SMC1B: variants seen among roughly 807,000 people sequenced by gnomAD.
The protein encoded by SMC1B is structural maintenance of chromosomes protein 1B.
In SMC1B, 60 loss-of-function variants were observed where a neutral mutation model predicts 157.9. The ratio of observed to expected loss-of-function variants is 0.38; its 90% CI spans 0.31 to 0.47. The LOEUF (loss-of-function observed/expected upper bound fraction) is 0.47. Ranked by LOEUF, SMC1B falls within the 20% of genes least tolerant of loss-of-function variation. SMC1B has a pLI of 0.99. For synonymous variants in SMC1B, 445 were observed against 483.0 expected, an observed-to-expected ratio of 0.92 and a Z score of 1.03; for missense variants, 1,165 against 1,426.2, an observed-to-expected ratio of 0.82 and a Z score of 2.95.
intron 12 of SMC1B, among the ~76,000 whole-genome samples, chr22:45,383,195 A>G (rs2086954465): frequency 1.3e-5 from 2 of 152,112 alleles, no homozygotes; most frequent in Non-Finnish European, 2.9e-5. Context: ...GCAACAGTCT[A>G]TCATAAAACA....
Position 45,399,262 on chromosome 22 carries a change from T to G in SMC1B, c.946A>C (p.Lys316Gln), listed in dbSNP as rs1018455247. ...SHHLKKLDVA[K>Q]KSIKDSEKQC... is the part of the protein sequence containing the mutation. ...TTTTCGCTGTCCTTTATTGATTTCT[T>G]AGCCACATCTAATTTCTTAAGGTGG... The change falls in exon 6 of 25, where the codon AAG becomes CAG. Residue 316 changes from lysine to glutamine, a missense_variant. By Grantham distance (53) the Lys-to-Gln change is moderately conservative. Coordinates refer to ENST00000357450, the MANE Select transcript of SMC1B (RefSeq NM_148674.5). The G allele has an allele frequency of 1.9e-6, 3 of 1,614,000 alleles. No homozygotes were observed. The African/African-American group carries it at 4.0e-5, about 22-fold the overall frequency.
At chr22:45,369,631 C>T (rs967475174) in intron 15 of SMC1B, among the ~76,000 whole-genome samples, 1 of 150,230 alleles carries the variant, frequency 6.7e-6, no homozygotes, top group Non-Finnish European at 1.5e-5. Flanking sequence ...CAAGCTCCGC[C>T]TCCTGGGTTC....
At chr22:45,360,079 AGT>A in intron 17 of SMC1B, 121 bp from the exon 18 acceptor site, 1 of 715,692 alleles carries the variant, frequency 1.4e-6, no homozygotes, top group African/African-American at 1.8e-5. Flanking sequence ...GAGTGCTGTA[AGT>A]TCTAGAATCC....
rs1602076079 is a variant in SMC1B, at chr22:45,383,684, T to C, written c.1912-71A>G. ...TACAAATAAAGACACAATGTGTCAATTTTTAAAGCTAAGAATAAAACATAT... is the reference window on the plus strand; with the variant it reads ...TACAAATAAAGACACAATGTGTCAACTTTTAAAGCTAAGAATAAAACATAT... On this transcript the variant is annotated intron_variant, in intron 11 of 24. Transcript: ENST00000357450. 6.1e-6 allele frequency: 8 copies of C among 1,306,994 alleles called. No homozygotes were observed. The East Asian group carries it at 1.8e-4, about 29-fold the overall frequency. 81.0% of individuals were successfully genotyped at this position (1,306,994 alleles called of 1,614,324 possible).
chr22:45,410,661 C>T (rs2146860556), intron 1 of SMC1B, among the ~76,000 whole-genome samples: 1 of 152,304 alleles, frequency 6.6e-6, no homozygotes, highest in African/African-American at 2.4e-5. Flanking sequence ...TGATATTACA[C>T]CACTGTACTC....
rs775045771 is a variant in SMC1B at position 45,383,493 on chromosome 22, G to A, written c.2032C>T (p.Arg678Ter). 7.5e-6 allele frequency: 12 copies of A among 1,601,202 alleles called. No individual in the cohort carries two copies. The highest frequency in any genetic ancestry group is 1.7e-4 in the Middle Eastern group (1 of 6,030). ...EKELKNLRDR[R>*]SQKIQELKGL... ...TTTAGCTCTTGGATTTTCTGGCTTC[G>A]TCTGTCTCTTAGATTCTTTAACTCT... The change falls in exon 12 of 25, where the codon CGA (arginine) becomes TGA (stop). Residue 678 changes from arginine (R) to a stop codon, truncating the protein, a stop_gained. Coordinates refer to ENST00000357450, the MANE Select transcript of SMC1B (RefSeq NM_148674.5). LOFTEE classifies it high-confidence loss of function.
At chr22:45,350,768 G>A (rs878880939) in intron 22 of SMC1B, among the ~76,000 whole-genome samples, 1 of 152,120 alleles carries the variant, frequency 6.6e-6, no homozygotes, top group Admixed American at 6.5e-5. Context: ...AAAACCCACA[G>A]AGCCATCCCC....
rs560734134 is a variant in SMC1B at position 45,408,556 on chromosome 22, G to A, written c.298+154C>T. Among the ~76,000 whole-genome samples, 8 of 152,216 alleles carry A rather than the reference G, an allele frequency of 5.3e-5. No individual in the cohort carries two copies. The East Asian group carries it at 1.5e-3, about 29-fold the overall frequency. ...ATATGTGGCGAATCAAACAGGTTCTGTTACTTGCTTCTGAGATATGCTATG... is the reference window on the plus strand; with the variant it reads ...ATATGTGGCGAATCAAACAGGTTCTATTACTTGCTTCTGAGATATGCTATG... On this transcript the variant is annotated intron_variant, in intron 2 of 24. Coordinates refer to ENST00000357450, the MANE Select transcript of SMC1B (RefSeq NM_148674.5).
intron 12 of SMC1B, among the ~76,000 whole-genome samples, chr22:45,377,987 T>C (rs1214857493): frequency 6.6e-6 from 1 of 152,070 alleles, no homozygotes; most frequent in Non-Finnish European, 1.5e-5. Context: ...TACAGGTGCA[T>C]GCCACCACTC....
At chr22:45,404,448 T>G (rs1004572965) in intron 4 of SMC1B, among the ~76,000 whole-genome samples, 1 of 152,192 alleles carries the variant, frequency 6.6e-6, no homozygotes, top group Non-Finnish European at 1.5e-5. Context: ...TTTCCAAACC[T>G]TTTTTCCTGA....
chr22:45,379,723 CTTTTT>C (rs136583), intron 12 of SMC1B, among the ~76,000 whole-genome samples: 2,183 of 91,468 alleles, frequency 0.024, 54 homozygotes, highest in African/African-American at 0.089. Context: ...TTTCTTTTTA[CTTTTT>C]TTTTTTTTTT....
intron 12 of SMC1B, among the ~76,000 whole-genome samples, chr22:45,380,620 T>G (rs2086927098): frequency 6.6e-6 from 1 of 152,054 alleles, no homozygotes; most frequent in South Asian, 2.1e-4. Context: ...ATTTTACAGT[T>G]AAGAAATATG....
At chr22:45,386,371 C>T (rs896744667) in intron 11 of SMC1B, among the ~76,000 whole-genome samples, 1 of 150,612 alleles carries the variant, frequency 6.6e-6, no homozygotes, top group African/African-American at 2.5e-5. Flanking sequence ...AAAATTATTC[C>T]CTCAAGATAC....
chr22:45,364,756 A>G (rs973663259), intron 15 of SMC1B, among the ~76,000 whole-genome samples: 4 of 150,692 alleles, frequency 2.7e-5, no homozygotes. Flanking sequence ...CTTTCCCCCA[A>G]CTAGCTGCTC....
intron 15 of SMC1B, among the ~76,000 whole-genome samples, chr22:45,369,520 T>C (rs1401984454): frequency 6.6e-6 from 1 of 150,802 alleles, no homozygotes; most frequent in Non-Finnish European, 1.5e-5. Flanking sequence ...TTTGTAAGAA[T>C]ATAAATTTTT....
chr22:45,348,676 A>G (rs1473685020), intron 23 of SMC1B, among the ~76,000 whole-genome samples: 3 of 151,482 alleles, frequency 2.0e-5, no homozygotes, highest in Non-Finnish European at 4.4e-5. Flanking sequence ...ACTACCCTGA[A>G]TCAACTTGTT....
chr22:45,344,633 C>T lies in SMC1B; in HGVS notation c.3631G>A (p.Val1211Ile). The T allele has an allele frequency of 1.2e-6, 2 of 1,614,032 alleles. No individual in the cohort carries two copies. Among genetic ancestry groups the T allele is most frequent in the Non-Finnish European group, 1.7e-6 (2 of 1,179,900 alleles). Residue 1211 changes from valine (V) to isoleucine (I), a missense_variant, in exon 25 of 25, where the codon GTT becomes ATT. Physicochemically the swap from Val to Ile is conservative, Grantham distance 29 (BLOSUM62 3). Coordinates refer to ENST00000357450, the MANE Select transcript of SMC1B (RefSeq NM_148674.5). Reference protein sequence around the residue: ...PEYDDCMFSRVLTLDLSQYPD... With the variant: ...PEYDDCMFSRILTLDLSQYPD... ...TACTGAGAAAGATCTAGGGTCAAAA[C>T]TCGGCTGAACATGCAGTCATCGTAC...
At chr22:45,402,700 A>C in intron 4 of SMC1B, 129 bp from the exon 5 acceptor site, 1 of 728,092 alleles carries the variant, frequency 1.4e-6, no homozygotes, top group Non-Finnish European at 2.3e-6. Flanking sequence ...GTTCTTGCCA[A>C]AAGTAGCATA....
At chr22:45,379,308 A>G (rs554386999) in intron 12 of SMC1B, among the ~76,000 whole-genome samples, 1 of 152,326 alleles carries the variant, frequency 6.6e-6, no homozygotes, top group South Asian at 2.1e-4. Context: ...CAGTTTTAAA[A>G]TGACTTCTTG....
Sources: gnomAD v4.1 joint callset for allele counts (sites outside exome capture counted in the v4.1 genomes callset) on GRCh38, gnomAD v4.1.1 for gene constraint, MANE v1.5 for transcripts, NCBI Gene and HGNC (gene_info 2026-07-23, HGNC 2026-07-21) for gene names.